EPHB1: variants seen among roughly 807,000 people sequenced by gnomAD.
The protein encoded by EPHB1 is ephrin type-B receptor 1.
Under a neutral mutation model 94.4 loss-of-function variants are expected in EPHB1, and 30 were observed. That is an observed-to-expected ratio of 0.32 (90% CI 0.24 to 0.43). The LOEUF (loss-of-function observed/expected upper bound fraction) is 0.43. Among genes scored for constraint, EPHB1 ranks in the 20% least tolerant of loss-of-function variants. EPHB1 has a pLI of 1.00. For missense variants in EPHB1, 1,055 were observed against 1,308.3 expected (o/e 0.81, Z 2.99); for synonymous variants, 522 against 489.1 (o/e 1.07, Z -0.89).
At chr3:134,906,978 G>GT (rs2038345293) in intron 1 of EPHB1, among the ~76,000 whole-genome samples, 1 of 152,206 alleles carries the variant, frequency 6.6e-6, no homozygotes, top group African/African-American at 2.4e-5. Flanking sequence ...TGTGAAAATA[G>GT]TTTATAAACT....
At chr3:135,036,189 T>C (rs149102694) in intron 3 of EPHB1, among the ~76,000 whole-genome samples, 2 of 152,264 alleles carry the variant, frequency 1.3e-5, no homozygotes, top group East Asian at 1.9e-4. Context: ...GCCGTTGGCA[T>C]AGGTAGCACA....
intron 3 of EPHB1, among the ~76,000 whole-genome samples, chr3:134,984,165 C>CAAA (rs1307374473): frequency 6.6e-6 from 1 of 152,194 alleles, no homozygotes; most frequent in East Asian, 1.9e-4. Flanking sequence ...CCCTGAGTTT[C>CAAA]ATTCACTGTG....
At chr3:135,213,860 G>A (rs149677360) in intron 12 of EPHB1, among the ~76,000 whole-genome samples, 3 of 152,136 alleles carry the variant, frequency 2.0e-5, no homozygotes, top group Admixed American at 2.0e-4. Context: ...AGAGCCCCCA[G>A]GCTGTCTCTC....
intron 1 of EPHB1, among the ~76,000 whole-genome samples, chr3:134,880,899 G>A (rs1279541230): frequency 3.9e-5 from 6 of 152,256 alleles, no homozygotes; most frequent in Non-Finnish European, 7.3e-5. Flanking sequence ...CGCTTTATCT[G>A]TGAGAGGAAG....
intron 3 of EPHB1, among the ~76,000 whole-genome samples, chr3:135,005,222 G>A (rs1194245535): frequency 5.3e-5 from 8 of 152,184 alleles, no homozygotes; most frequent in Non-Finnish European, 1.0e-4. Context: ...CCTGCAGTGT[G>A]AAGTGTCAGT....
At chr3:135,021,966 T>C (rs1936000563) in intron 3 of EPHB1, among the ~76,000 whole-genome samples, 1 of 149,946 alleles carries the variant, frequency 6.7e-6, no homozygotes, top group African/African-American at 2.5e-5. Context: ...CTTAGTCATG[T>C]TGAATGTTGT....
chr3:135,110,620 A>G (rs1057171708), intron 4 of EPHB1, among the ~76,000 whole-genome samples: 3 of 152,258 alleles, frequency 2.0e-5, no homozygotes, highest in Non-Finnish European at 2.9e-5. Flanking sequence ...ATGAAGCTCC[A>G]GGATGAAAAC....
At chr3:134,805,050 A>G (rs1176622932) in intron 1 of EPHB1, among the ~76,000 whole-genome samples, 1 of 152,196 alleles carries the variant, frequency 6.6e-6, no homozygotes, top group Non-Finnish European at 1.5e-5. Flanking sequence ...CAGCACATCA[A>G]CATAGGACCT....
chr3:134,831,308 T>G (rs2036577683), intron 1 of EPHB1, among the ~76,000 whole-genome samples: 1 of 152,174 alleles, frequency 6.6e-6, no homozygotes, highest in African/African-American at 2.4e-5. Context: ...CAAAGGGAGC[T>G]ATGGCCTGTT....
chr3:135,137,119 G>A (rs914336311), intron 5 of EPHB1, among the ~76,000 whole-genome samples: 4 of 152,156 alleles, frequency 2.6e-5, no homozygotes, highest in African/African-American at 9.7e-5. Context: ...AAATCTTGGG[G>A]GTATAAAAGA....
Position 134,927,597 on chromosome 3 carries a change from T to C in EPHB1, c.123+1717T>C, listed in dbSNP as rs772450719. On this transcript the variant is annotated intron_variant, in intron 2 of 15. Coordinates refer to ENST00000398015, the MANE Select transcript of EPHB1 (RefSeq NM_004441.5). ...TATTGTTTGAAGGCTTGTGTGTTTT[T>C]ACAAGGCCCCAACATAATTTATGGT... 4.1e-4 allele frequency among the ~76,000 whole-genome samples: 63 copies of C among 152,262 alleles called. 1 individual carries two copies. Among genetic ancestry groups the C allele is most frequent in the Non-Finnish European group, 7.3e-5 (5 of 68,050 alleles).
chr3:135,006,147 TC>T (rs2107746170), intron 3 of EPHB1, among the ~76,000 whole-genome samples: 1 of 152,330 alleles, frequency 6.6e-6, no homozygotes, highest in South Asian at 2.1e-4. Context: ...TAAACCTCTT[TC>T]CTTTATAAAT....
At chr3:134,982,024 G>C (rs946866154) in intron 3 of EPHB1, among the ~76,000 whole-genome samples, 6 of 152,198 alleles carry the variant, frequency 3.9e-5, no homozygotes, top group African/African-American at 1.4e-4. Flanking sequence ...TTACAAATGA[G>C]TAAGTTTAAC....
At chr3:135,028,516 T>G (rs1936282875) in intron 3 of EPHB1, among the ~76,000 whole-genome samples, 1 of 143,406 alleles carries the variant, frequency 7.0e-6, no homozygotes, top group Admixed American at 7.1e-5. Context: ...TTGTTCAGTT[T>G]CCATGTAGGT....
At chr3:134,979,957 TG>T (rs551016973) in intron 3 of EPHB1, among the ~76,000 whole-genome samples, 14 of 152,242 alleles carry the variant, frequency 9.2e-5, no homozygotes, top group Non-Finnish European at 1.9e-4. Flanking sequence ...AAAAGTCATT[TG>T]GGTTATCCCA....
intron 15 of EPHB1, among the ~76,000 whole-genome samples, chr3:135,254,649 C>T (rs1486767742): frequency 2.0e-5 from 3 of 151,654 alleles, no homozygotes; most frequent in Admixed American, 2.0e-4. Context: ...CATCAATGTT[C>T]ATCAGGGATA....
chr3:134,979,410 G>A (rs1423984211), intron 3 of EPHB1, among the ~76,000 whole-genome samples: 2 of 152,148 alleles, frequency 1.3e-5, no homozygotes, highest in Non-Finnish European at 2.9e-5. Context: ...GCCTGTGTAT[G>A]TTTGTGTAAA....
chr3:135,202,728 C>T (rs547146912), intron 12 of EPHB1, among the ~76,000 whole-genome samples: 1 of 152,340 alleles, frequency 6.6e-6, no homozygotes, highest in East Asian at 1.9e-4. Flanking sequence ...ACAACAGATG[C>T]TGGTGAGGCT....
chr3:134,948,379 A>G (rs974787326), intron 2 of EPHB1, among the ~76,000 whole-genome samples: 12 of 152,274 alleles, frequency 7.9e-5, no homozygotes, highest in African/African-American at 2.2e-4. Flanking sequence ...GTCAACTGAG[A>G]AAATGCTGTT....
Sources: gnomAD v4.1 joint callset for allele counts (sites outside exome capture counted in the v4.1 genomes callset) on GRCh38, gnomAD v4.1.1 for gene constraint, MANE v1.5 for transcripts, NCBI Gene and HGNC (gene_info 2026-07-23, HGNC 2026-07-21) for gene names.